BRINP1: variants seen among roughly 807,000 people sequenced by gnomAD.
The protein encoded by BRINP1 is BMP/retinoic acid inducible neural specific 1, also known as BMP/retinoic acid-inducible neural-specific protein 1.
In BRINP1, 17 loss-of-function variants were observed where a neutral mutation model predicts 72.9. That is an observed-to-expected ratio of 0.23 (90% CI 0.16 to 0.35). The LOEUF is 0.35. Ranked by LOEUF, BRINP1 falls within the 10% of genes least tolerant of loss-of-function variation. The pLI is 1.00. For synonymous variants in BRINP1, 418 were observed against 378.5 expected, an observed-to-expected ratio of 1.10 and a Z score of -1.21; for missense variants, 850 against 1,001.6, an observed-to-expected ratio of 0.85 and a Z score of 2.04.
chr9:119,362,012 A>G (rs1364033623), intron 1 of BRINP1, among the ~76,000 whole-genome samples: 4 of 151,846 alleles, frequency 2.6e-5, no homozygotes, highest in Non-Finnish European at 5.9e-5. Flanking sequence ...CATGTTGGTC[A>G]GGCTGGTCTC....
At chr9:119,218,661 G>T (rs559329027) in intron 5 of BRINP1, among the ~76,000 whole-genome samples, 2 of 151,820 alleles carry the variant, frequency 1.3e-5, no homozygotes, top group African/African-American at 2.4e-5. Flanking sequence ...TGACACACTC[G>T]AGGGTGACCT....
chr9:119,233,144 T>G (rs1331831600), intron 5 of BRINP1, among the ~76,000 whole-genome samples: 1 of 152,104 alleles, frequency 6.6e-6, no homozygotes, highest in Non-Finnish European at 1.5e-5. Context: ...AGTAGCCTTC[T>G]GCAGAATCTG....
chr9:119,310,389 G>A (rs1409023102), intron 2 of BRINP1, among the ~76,000 whole-genome samples: 2 of 152,160 alleles, frequency 1.3e-5, no homozygotes, highest in African/African-American at 4.8e-5. Flanking sequence ...ACACACTGTT[G>A]CTTGGCTTGT....
intron 3 of BRINP1, among the ~76,000 whole-genome samples, chr9:119,247,545 C>T (rs1830334466): frequency 6.6e-6 from 1 of 151,494 alleles, no homozygotes; most frequent in Non-Finnish European, 1.5e-5. Flanking sequence ...GTCCCAGCTG[C>T]TCGGCGGGCT....
intron 1 of BRINP1, among the ~76,000 whole-genome samples, chr9:119,348,345 TTATCAGTTTACCTATTGAAGGA>T (rs1208390343): frequency 6.6e-6 from 1 of 152,224 alleles, no homozygotes; most frequent in Non-Finnish European, 1.5e-5. Flanking sequence ...ATATCACAGT[TTATCAGTTTACCTATTGAAGGA>T]TATCTTAGTT....
intron 1 of BRINP1, among the ~76,000 whole-genome samples, chr9:119,358,404 AAAG>A (rs1831593394): frequency 6.9e-6 from 1 of 145,196 alleles, no homozygotes. Flanking sequence ...AAAAAAAAAA[AAAG>A]GAGAGTCCAG....
intron 1 of BRINP1, among the ~76,000 whole-genome samples, chr9:119,327,624 G>C (rs1242371193): frequency 6.6e-6 from 1 of 152,026 alleles, no homozygotes; most frequent in African/African-American, 2.4e-5. Context: ...GATTATACAT[G>C]GTCTGAACAA....
chr9:119,251,750 G>A (rs958914142), intron 2 of BRINP1, among the ~76,000 whole-genome samples: 1 of 152,224 alleles, frequency 6.6e-6, no homozygotes, highest in African/African-American at 2.4e-5. Context: ...AGTAGTTGAT[G>A]GGATGTGGGC....
At chr9:119,335,879 A>T (rs1446636828) in intron 1 of BRINP1, among the ~76,000 whole-genome samples, 1 of 152,202 alleles carries the variant, frequency 6.6e-6, no homozygotes, top group Non-Finnish European at 1.5e-5. Context: ...ACATGGTTTG[A>T]TGTTCATCTT....
intron 2 of BRINP1, among the ~76,000 whole-genome samples, chr9:119,279,919 T>G (rs1830691877): frequency 6.6e-6 from 1 of 152,162 alleles, no homozygotes; most frequent in Non-Finnish European, 1.5e-5. Flanking sequence ...ATAAGAATGA[T>G]CATATGCTTT....
chr9:119,235,701 T>G (rs1304536787), intron 5 of BRINP1, among the ~76,000 whole-genome samples: 1 of 152,190 alleles, frequency 6.6e-6, no homozygotes, highest in African/African-American at 2.4e-5. Flanking sequence ...ATTTGTTGAC[T>G]TGAACTGATT....
intron 5 of BRINP1, among the ~76,000 whole-genome samples, chr9:119,215,666 A>G (rs146196783): frequency 4.6e-5 from 7 of 152,180 alleles, no homozygotes; most frequent in African/African-American, 1.7e-4. Flanking sequence ...CAGGTTTTAT[A>G]TATACTTAAA....
chr9:119,258,015 C>T (rs1432000549), intron 2 of BRINP1, among the ~76,000 whole-genome samples: 1 of 152,104 alleles, frequency 6.6e-6, no homozygotes, highest in Admixed American at 6.5e-5. Context: ...AAAGAACTAT[C>T]TCTGAAAATG....
rs2118809365 is a variant in BRINP1 at position 119,166,965 on chromosome 9, T to G, written c.*119A>C. 1.8e-6 allele frequency: 2 copies of G among 1,121,952 alleles called. No homozygotes were observed. Among genetic ancestry groups the G allele is most frequent in the Non-Finnish European group, 2.6e-6 (2 of 782,776 alleles). The allele number at this position is 1,121,952 out of a possible 1,614,324, so 69.5% of individuals were successfully genotyped here. A position where few individuals can be genotyped will look rare whatever the true frequency, so the allele number is the denominator to read the frequency against. On this transcript the variant is annotated 3_prime_UTR_variant, in exon 8 of 8. Coordinates refer to ENST00000265922, the MANE Select transcript of BRINP1 (RefSeq NM_014618.3). ...CCAACAAATGAAGATTTTCCTCCTT[T>G]TCTTTGAATATTAATTACATTTTAC...
intron 2 of BRINP1, among the ~76,000 whole-genome samples, chr9:119,285,694 A>G (rs1021957304): frequency 6.6e-6 from 1 of 152,032 alleles, no homozygotes; most frequent in African/African-American, 2.4e-5. Flanking sequence ...CTTTCTATTT[A>G]CCCGTTTTCT....
At chr9:119,240,103 T>C (rs1401124633) in intron 4 of BRINP1, among the ~76,000 whole-genome samples, 1 of 152,036 alleles carries the variant, frequency 6.6e-6, no homozygotes, top group Non-Finnish European at 1.5e-5. Flanking sequence ...ACCCTATCTC[T>C]ACTAAAAATA....
chr9:119,259,780 T>G (rs763897623), intron 2 of BRINP1, among the ~76,000 whole-genome samples: 39 of 152,152 alleles, frequency 2.6e-4, no homozygotes, highest in Non-Finnish European at 5.1e-4. Flanking sequence ...AGGAGATAAT[T>G]CTCTCAAAGA....
chr9:119,302,690 T>C (rs1377497338), intron 2 of BRINP1, among the ~76,000 whole-genome samples: 4 of 152,220 alleles, frequency 2.6e-5, no homozygotes, highest in East Asian at 1.9e-4. Flanking sequence ...GGTGAATTAC[T>C]TGCAAGCTCA....
At chr9:119,215,125 T>C (rs1829965294) in intron 5 of BRINP1, among the ~76,000 whole-genome samples, 1 of 152,330 alleles carries the variant, frequency 6.6e-6, no homozygotes, top group Non-Finnish European at 1.5e-5. Context: ...CATCACTAGA[T>C]AATTAATTTT....
Sources: allele counts gnomAD v4.1 joint callset (sites outside exome capture counted in the v4.1 genomes callset), GRCh38; gene constraint gnomAD v4.1.1; transcripts MANE v1.5; gene names NCBI Gene and HGNC (gene_info 2026-07-23, HGNC 2026-07-21).